PCDHA3: variants seen among roughly 807,000 people sequenced by gnomAD.
The protein encoded by PCDHA3 is protocadherin alpha-3.
PCDHA3 carries 41 observed loss-of-function variants against 62.2 expected under a neutral mutation model. The observed-to-expected ratio is 0.66, with a 90% CI of 0.51 to 0.86. PCDHA3 has a LOEUF of 0.86. Ranked by LOEUF, PCDHA3 falls within the 40% of genes least tolerant of loss-of-function variation. The probability of loss-of-function intolerance (pLI) is 0.00; values close to 1 mark genes in which losing one functional copy is unlikely to be tolerated. For missense variants in PCDHA3, 1,304 were observed against 1,241.2 expected (o/e 1.05, Z -0.76); for synonymous variants, 640 against 555.4 (o/e 1.15, Z -2.14).
intron 3 of PCDHA3, among the ~76,000 whole-genome samples, chr5:140,996,316 A>C (rs2153939037): frequency 6.6e-6 from 1 of 152,250 alleles, no homozygotes; most frequent in African/African-American, 2.4e-5. Context: ...GTAAGGGGGG[A>C]GGGTAGAGAA....
chr5:140,836,661 T>C (rs2150267176), intron 1 of PCDHA3: 1 of 1,613,416 alleles, frequency 6.2e-7, no homozygotes, highest in Non-Finnish European at 8.5e-7. Context: ...GAGGGTGTGC[T>C]CTGGGGAGGG....
intron 1 of PCDHA3, among the ~76,000 whole-genome samples, chr5:140,959,621 A>G (rs1198133284): frequency 6.6e-6 from 1 of 152,152 alleles, no homozygotes; most frequent in African/African-American, 2.4e-5. Flanking sequence ...CTTGTGATAG[A>G]AAAAAAGAGA....
chr5:141,009,571 T>C, intron 3 of PCDHA3, 56 bp from the exon 4 acceptor site: 10 of 1,578,600 alleles, frequency 6.3e-6, no homozygotes, highest in Non-Finnish European at 7.7e-6. Context: ...ACCAGCAGTG[T>C]GGCATCAAGA....
intron 3 of PCDHA3, among the ~76,000 whole-genome samples, chr5:141,000,038 C>T (rs1554257087): frequency 3.3e-5 from 5 of 152,092 alleles, no homozygotes; most frequent in Non-Finnish European, 5.9e-5. Flanking sequence ...TCCAATCACA[C>T]ACACACCACT....
At chr5:140,883,030 C>T (rs1554176556) in intron 1 of PCDHA3, 1 of 1,614,058 alleles carries the variant, frequency 6.2e-7, no homozygotes, top group Non-Finnish European at 8.5e-7. Context: ...TGTTAGAGAA[C>T]GCCTTCAATG....
intron 1 of PCDHA3, among the ~76,000 whole-genome samples, chr5:140,946,349 G>A (rs1412325014): frequency 6.6e-6 from 1 of 151,910 alleles, no homozygotes; most frequent in Non-Finnish European, 1.5e-5. Flanking sequence ...TGGAGAGGAT[G>A]TGGAGAAAAG....
chr5:140,802,087 C>T lies in PCDHA3; in HGVS notation c.890C>T (p.Pro297Leu). Residue 297 changes from proline (P) to leucine (L), a missense_variant, in exon 1 of 4, where the codon CCA becomes CTA. By Grantham distance (98) the Pro-to-Leu change is moderately conservative. Coordinates refer to ENST00000522353, the MANE Select transcript of PCDHA3 (RefSeq NM_018906.3). ...ADILSKFHLD[P>L]VNGQISVKGN... ...ATTCTGTCAAAATTCCATTTAGATCCAGTCAATGGACAAATCAGTGTAAAG... is the reference window on the plus strand; with the variant it reads ...ATTCTGTCAAAATTCCATTTAGATCTAGTCAATGGACAAATCAGTGTAAAG... 2 of 1,614,186 alleles carry T rather than the reference C, an allele frequency of 1.2e-6. No homozygotes were observed. The highest frequency in any genetic ancestry group is 8.5e-7 in the Non-Finnish European group (1 of 1,180,032).
At chr5:140,898,408 G>A (rs1189859035) in intron 1 of PCDHA3, among the ~76,000 whole-genome samples, 7 of 152,096 alleles carry the variant, frequency 4.6e-5, no homozygotes, top group African/African-American at 9.7e-5. Flanking sequence ...TTCTACATAC[G>A]GCTAGCCAGT....
At chr5:140,878,993 G>A (rs369200128) in intron 1 of PCDHA3, among the ~76,000 whole-genome samples, 70 of 152,306 alleles carry the variant, frequency 4.6e-4, no homozygotes, top group African/African-American at 1.7e-3. Context: ...AGAAATGAGA[G>A]TATGCCCTAG....
At position 140,842,875 on chromosome 5, in the gene PCDHA3, C is replaced by T. The variant is rs2150347019; in HGVS notation, c.2394+39284C>T. ...TGCACACGGAGAGCGGCAAGGTGTA[C>T]GCGCTGCAGCCGCTGGACCACGAGG... is the stretch of plus-strand genomic sequence containing the variant. On this transcript the variant is annotated intron_variant, in intron 1 of 3. Transcript: ENST00000522353. 2.5e-6 allele frequency: 4 copies of T among 1,593,864 alleles called. No homozygotes were observed. In the African/African-American group the frequency reaches 4.0e-5, roughly 16 times the overall value.
Position 140,843,307 on chromosome 5 carries a change from G to T in PCDHA3, c.2394+39716G>T, listed in dbSNP as rs2150357061. On this transcript the variant is annotated intron_variant, in intron 1 of 3. Coordinates refer to ENST00000522353, the MANE Select transcript of PCDHA3 (RefSeq NM_018906.3). ...ATGGTGAACCTGCGCTGACCGCCAC[G>T]GCCACGGTTCTGGTGTCGCTGGTGG... is the stretch of plus-strand genomic sequence containing the variant. The T allele has an allele frequency of 1.0e-5, 16 of 1,595,858 alleles. 3 individuals are homozygous for T. The highest frequency in any genetic ancestry group is 1.3e-5 in the African/African-American group (1 of 74,426).
intron 1 of PCDHA3, chr5:140,882,963 T>C (rs2059384915): frequency 3.7e-6 from 6 of 1,614,088 alleles, no homozygotes; most frequent in Admixed American, 1.7e-5. Context: ...CTCATCACGA[T>C]TCTGGACGTG....
In PCDHA3 at chr5:140,959,884, G is replaced by A. The variant is rs141989766; in HGVS notation, c.2395-19065G>A. On this transcript the variant is annotated intron_variant, in intron 1 of 3. Coordinates refer to ENST00000522353, the MANE Select transcript of PCDHA3 (RefSeq NM_018906.3). ...TAGCAAAATCTGTCAAGGAATACAC[G>A]AGTGGGATTTATATCAGAAAAATCA... Among the ~76,000 whole-genome samples, 570 of 152,254 alleles carry A rather than the reference G, an allele frequency of 3.7e-3. 1 individual carries two copies. The highest frequency in any genetic ancestry group is 6.9e-3 in the Non-Finnish European group (471 of 68,018).
chr5:141,002,853 G>C (rs781830862), intron 3 of PCDHA3, among the ~76,000 whole-genome samples: 1 of 152,184 alleles, frequency 6.6e-6, no homozygotes, highest in Non-Finnish European at 1.5e-5. Context: ...ACTAGTGAGA[G>C]AACCAGGGCA....
intron 1 of PCDHA3, among the ~76,000 whole-genome samples, chr5:140,826,648 C>T (rs1181948430): frequency 1.3e-5 from 2 of 152,006 alleles, no homozygotes; most frequent in Non-Finnish European, 1.5e-5. Context: ...ATGAAGGTAA[C>T]ATTTTTGCAA....
intron 1 of PCDHA3, among the ~76,000 whole-genome samples, chr5:140,948,219 T>G (rs1285446038): frequency 6.6e-6 from 1 of 151,682 alleles, no homozygotes; most frequent in Non-Finnish European, 1.5e-5. Context: ...CAAACATTGT[T>G]AGATTTAACT....
chr5:140,936,435 TTAAA>T (rs1554210994), intron 1 of PCDHA3, among the ~76,000 whole-genome samples: 2 of 152,222 alleles, frequency 1.3e-5, no homozygotes, highest in African/African-American at 4.8e-5. Flanking sequence ...TAATTTAAGC[TTAAA>T]TAACCACATC....
Position 141,010,924 on chromosome 5 carries a change from T to G in PCDHA3, c.*987T>G, listed in dbSNP as rs1016736721. 1 of 153,778 alleles carries G rather than the reference T, an allele frequency of 6.5e-6. No homozygotes were observed. Among genetic ancestry groups the G allele is most frequent in the Non-Finnish European group, 1.5e-5 (1 of 68,046 alleles). 9.5% of individuals were successfully genotyped at this position (153,778 alleles called of 1,614,324 possible). A position where few individuals can be genotyped will look rare whatever the true frequency, so the allele number is the denominator to read the frequency against. Reference sequence around the variant, plus strand: ...CCCCTAAACTCTCCTCAAAAGAGAATTCAGTCTACAGCCATTTAAATGATC... The same window carrying G: ...CCCCTAAACTCTCCTCAAAAGAGAAGTCAGTCTACAGCCATTTAAATGATC... On this transcript the variant is annotated 3_prime_UTR_variant, in exon 4 of 4. Transcript: ENST00000522353.
chr5:140,828,677 T>C (rs2150157851), intron 1 of PCDHA3: 11 of 1,614,216 alleles, frequency 6.8e-6, no homozygotes, highest in Non-Finnish European at 7.6e-6. Context: ...TGGGCTCTTA[T>C]TAAAGAAATC....
Sources: gnomAD v4.1 joint callset for allele counts (sites outside exome capture counted in the v4.1 genomes callset) on GRCh38, gnomAD v4.1.1 for gene constraint, MANE v1.5 for transcripts, NCBI Gene and HGNC (gene_info 2026-07-23, HGNC 2026-07-21) for gene names.